The following TNNT3 variants were observed in gnomAD, a reference collection of about 807,000 sequenced individuals.
TNNT3 encodes troponin T3, fast skeletal type.
A neutral mutation model predicts 54.2 loss-of-function variants in TNNT3; 36 were observed. That is an observed-to-expected ratio of 0.66 (90% CI 0.51 to 0.88). TNNT3 has a LOEUF of 0.88. TNNT3 is among the 40% of genes least tolerant of loss of function. The probability of loss-of-function intolerance (pLI) is 0.00; values close to 1 mark genes in which losing one functional copy is unlikely to be tolerated. For missense variants in TNNT3, 291 were observed against 331.6 expected (o/e 0.88, Z 0.95); for synonymous variants, 120 against 109.7 (o/e 1.09, Z -0.59).
chr11:1,923,149 GT>G, intron 3 of TNNT3, 88 bp downstream of exon 3: 1 of 1,570,058 alleles, frequency 6.4e-7, no homozygotes, highest in East Asian at 2.2e-5. Context: ...CATACCCTGT[GT>G]CCCCTTGACA....
intron 9 of TNNT3, among the ~76,000 whole-genome samples, chr11:1,932,980 T>C (rs1470174438): frequency 6.9e-6 from 1 of 145,150 alleles, no homozygotes; most frequent in African/African-American, 2.6e-5. Flanking sequence ...ATCCACTCAC[T>C]CATCTCTCCA....
chr11:1,926,454 T>C, intron 5 of TNNT3: 1 of 1,613,212 alleles, frequency 6.2e-7, no homozygotes, highest in Non-Finnish European at 8.5e-7. Flanking sequence ...TTCCGTGGCC[T>C]CCTTGGCCCG....
chr11:1,932,077 C>G (rs1208030856), intron 8 of TNNT3, among the ~76,000 whole-genome samples: 1 of 152,232 alleles, frequency 6.6e-6, no homozygotes, highest in Non-Finnish European at 1.5e-5. Flanking sequence ...CTCGCAGCAG[C>G]CATTCCTGCC....
At chr11:1,922,399 C>A (rs1409505217) in intron 1 of TNNT3, among the ~76,000 whole-genome samples, 2 of 152,122 alleles carry the variant, frequency 1.3e-5, no homozygotes, top group Non-Finnish European at 2.9e-5. Flanking sequence ...CCCAGGGAGA[C>A]CCCACCTACA....
intron 14 of TNNT3, chr11:1,936,150 C>T (rs1291355386): frequency 1.3e-6 from 2 of 1,593,938 alleles, no homozygotes; most frequent in African/African-American, 1.3e-5. Flanking sequence ...GCCAAGCTAG[C>T]CCACAGCCGG....
At chr11:1,925,318 G>C (rs760754058) in intron 5 of TNNT3, 2 of 1,564,236 alleles carry the variant, frequency 1.3e-6, no homozygotes, top group Non-Finnish European at 1.7e-6. Context: ...TGGGGCCCGG[G>C]GCCTGGCTGG....
At chr11:1,920,844 A>C (rs1408948774) in intron 1 of TNNT3, among the ~76,000 whole-genome samples, 3 of 148,472 alleles carry the variant, frequency 2.0e-5, no homozygotes, top group Non-Finnish European at 4.5e-5. Context: ...CACCCCTGCC[A>C]CCAGCCCCTC....
Position 1,938,673 on chromosome 11 carries a change from G to C in TNNT3, c.*181G>C. Reference sequence around the variant, plus strand: ...TGTGTCCTTGCTGCCTTCATCCCCTGGGGCCTGTGAATAAAGCTGCAGAAC... The same window carrying C: ...TGTGTCCTTGCTGCCTTCATCCCCTCGGGCCTGTGAATAAAGCTGCAGAAC... On this transcript the variant is annotated 3_prime_UTR_variant, in exon 16 of 16. Coordinates refer to ENST00000278317, the MANE Select transcript of TNNT3 (RefSeq NM_006757.4). 1.4e-6 allele frequency: 1 copy of C among 717,162 alleles called. No homozygotes were observed. Among genetic ancestry groups the C allele is most frequent in the Non-Finnish European group, 2.5e-6 (1 of 395,886 alleles). The allele number at this position is 717,162 out of a possible 1,614,324, so 44.4% of individuals were successfully genotyped here.
intron 5 of TNNT3, among the ~76,000 whole-genome samples, chr11:1,925,750 C>T (rs901270261): frequency 3.3e-5 from 5 of 151,892 alleles, no homozygotes; most frequent in African/African-American, 9.7e-5. Flanking sequence ...TCAGCTCCCT[C>T]GTGAGCATGC....
At chr11:1,922,820 C>CT in intron 1 of TNNT3, 37 bp from the exon 2 acceptor site, 1 of 1,463,898 alleles carries the variant, frequency 6.8e-7, no homozygotes, top group African/African-American at 1.4e-5. Flanking sequence ...CTCTTTCCAT[C>CT]CTCTCTCTCT....
chr11:1,924,987 C>T (rs947602313), intron 4 of TNNT3, 112 bp from the exon 5 acceptor site: 1 of 1,281,100 alleles, frequency 7.8e-7, no homozygotes, highest in African/African-American at 1.5e-5. Flanking sequence ...GCCCTCTTCT[C>T]CCGGCCAGCC....
intron 15 of TNNT3, among the ~76,000 whole-genome samples, chr11:1,937,267 G>C (rs1216698754): frequency 2.6e-5 from 4 of 152,076 alleles, no homozygotes; most frequent in African/African-American, 4.8e-5. Flanking sequence ...TCACGCCCTC[G>C]CCCCGAGTCT....
intron 14 of TNNT3, chr11:1,935,276 A>C (rs1589998525): frequency 5.6e-6 from 2 of 359,774 alleles, no homozygotes; most frequent in Non-Finnish European, 1.1e-5. Flanking sequence ...CCCCATCATC[A>C]CCCAGCTCGG....
intron 5 of TNNT3, chr11:1,926,363 C>T: frequency 2.8e-6 from 4 of 1,428,770 alleles, no homozygotes; most frequent in South Asian, 1.1e-5. Context: ...GCACCCCACC[C>T]TCGGCCTCGA....
At chr11:1,938,407 C>T (rs1855776238) in intron 15 of TNNT3, 31 bp from the exon 16 acceptor site, 4 of 1,611,882 alleles carry the variant, frequency 2.5e-6, no homozygotes, top group Admixed American at 1.7e-5. Flanking sequence ...GAGGCCCTGA[C>T]CCTGAAGGAT....
chr11:1,934,795 A>G, intron 13 of TNNT3, 34 bp from the exon 14 acceptor site: 1 of 1,608,942 alleles, frequency 6.2e-7, no homozygotes, highest in Admixed American at 1.7e-5. Context: ...TTTGGGGCTT[A>G]TTCAACGAAG....
At chr11:1,929,075 G>A (rs1852492604) in intron 6 of TNNT3, 45 bp from the exon 7 acceptor site, 1 of 1,612,132 alleles carries the variant, frequency 6.2e-7, no homozygotes, top group Non-Finnish European at 8.5e-7. Context: ...CAGCCGCACT[G>A]GCTTTTCTCT....
chr11:1,934,589 A>C lies in TNNT3; in HGVS notation c.524A>C (p.Lys175Thr). The C allele has an allele frequency of 6.2e-7, 1 of 1,610,022 alleles. No individual in the cohort carries two copies. Among genetic ancestry groups the C allele is most frequent in the Non-Finnish European group, 8.5e-7 (1 of 1,178,600 alleles). Residue 175 changes from lysine (K) to threonine (T), a missense_variant, in exon 13 of 16, where the codon AAG becomes ACG. Physicochemically the swap from Lys to Thr is moderately conservative, Grantham distance 78. Transcript: ENST00000278317. ...AAGAAGCAGACAGCCCGGGAAATGA[A>C]GAAGAAGATTCTGGCTGAGAGACGC... ...RGKKQTAREMKKKILAERRKP... is the reference protein window; with the variant it reads ...RGKKQTAREMTKKILAERRKP...
intron 12 of TNNT3, 36 bp downstream of exon 12, chr11:1,934,481 C>A (rs775464688): frequency 1.2e-6 from 2 of 1,610,272 alleles, no homozygotes; most frequent in Middle Eastern, 1.7e-4. Flanking sequence ...TGGTAGCCTT[C>A]AGTGTGGGCT....
Sources: allele counts gnomAD v4.1 joint callset (sites outside exome capture counted in the v4.1 genomes callset), GRCh38; gene constraint gnomAD v4.1.1; transcripts MANE v1.5; gene names NCBI Gene and HGNC (gene_info 2026-07-23, HGNC 2026-07-21).